Variants in NXF2B observed in about 807,000 individuals in gnomAD.
NXF2B encodes nuclear RNA export factor 2.
At chrX:102,412,531 GAA>G (rs1169070767) in intron 2 of NXF2B, among the ~76,000 whole-genome samples, 95 of 1,465 alleles carry the variant, frequency 0.065, 28 homozygotes, top group South Asian at 0.22. Flanking sequence ...AGAAGAAGAA[GAA>G]GAAGAAGAAG....
At chrX:102,398,060 A>C (rs1471763110) in intron 2 of NXF2B, among the ~76,000 whole-genome samples, 2 of 75,081 alleles carry the variant, frequency 2.7e-5, no homozygotes, top group Non-Finnish European at 4.9e-5. Context: ...AAAAAGCAAA[A>C]TCCCATCCAA....
At chrX:102,397,921 C>T (rs1332989066) in intron 2 of NXF2B, among the ~76,000 whole-genome samples, 1 of 114,687 alleles carries the variant, frequency 8.7e-6, no homozygotes, top group African/African-American at 3.2e-5. Flanking sequence ...AAAGCTTCTG[C>T]ACGGCAAAGG....
intron 2 of NXF2B, among the ~76,000 whole-genome samples, chrX:102,412,530 A>AG (rs782617393): frequency 0.022 from 26 of 1,187 alleles, 2 homozygotes; most frequent in East Asian, 0.039. Flanking sequence ...AAGAAGAAGA[A>AG]GAAGAAGAAG....
chrX:102,412,543 GA>G (rs1569471448), intron 2 of NXF2B, among the ~76,000 whole-genome samples: 101 of 3,637 alleles, frequency 0.028, 19 homozygotes, highest in Non-Finnish European at 0.038. Flanking sequence ...AGAAGAAGAA[GA>G]AGAAGAAGAA....
At chrX:102,435,561 A>G in intron 2 of NXF2B, among the ~76,000 whole-genome samples, 1 of 18,762 alleles carries the variant, frequency 5.3e-5, no homozygotes, top group Non-Finnish European at 9.6e-5. Context: ...AAAAGTTTCA[A>G]AAGTAAGGCA....
At chrX:102,435,554 A>C (rs1361417224) in intron 2 of NXF2B, among the ~76,000 whole-genome samples, 1 of 18,290 alleles carries the variant, frequency 5.5e-5, no homozygotes, top group Non-Finnish European at 9.9e-5. Context: ...CGTAGAAAAA[A>C]GTTTCAAAAG....
intron 1 of NXF2B, among the ~76,000 whole-genome samples, chrX:102,377,146 ATTTG>A (rs1934239786): frequency 1.3e-5 from 1 of 74,584 alleles, no homozygotes; most frequent in African/African-American, 5.2e-5. Context: ...GTGAGAGTGT[ATTTG>A]TGTGTGTGTG....
At chrX:102,393,547 A>AT (rs1934303461) in intron 2 of NXF2B, among the ~76,000 whole-genome samples, 2 of 5,322 alleles carry the variant, frequency 3.8e-4, no homozygotes, top group Non-Finnish European at 6.3e-4. Flanking sequence ...AACAAAACTA[A>AT]ATATATATAT....
intron 2 of NXF2B, among the ~76,000 whole-genome samples, chrX:102,397,062 C>G (rs1181235047): frequency 1.1e-5 from 1 of 94,670 alleles, no homozygotes; most frequent in Non-Finnish European, 2.2e-5. Flanking sequence ...AGTGTCTGTT[C>G]ATATCTTTCG....
At chrX:102,439,788 C>A (rs1194555210) in intron 1 of NXF2B, 82 bp downstream of exon 1, 1 of 34,815 alleles carries the variant, frequency 2.9e-5, no homozygotes, top group Non-Finnish European at 5.6e-5. Flanking sequence ...GAGCCAAACT[C>A]CGTCTCAAAA....
At chrX:102,412,644 A>AAGAAGAAGAAGAAGT (rs1342457195) in intron 2 of NXF2B, among the ~76,000 whole-genome samples, 7 of 30,098 alleles carry the variant, frequency 2.3e-4, no homozygotes, top group African/African-American at 1.2e-3. Flanking sequence ...GAAGAAGAAG[A>AAGAAGAAGAAGAAGT]AGTAGTCATC....
intron 1 of NXF2B, among the ~76,000 whole-genome samples, chrX:102,377,197 CGAGAGAGAGA>C (rs1244863265): frequency 1.4e-5 from 1 of 69,928 alleles, no homozygotes; most frequent in Non-Finnish European, 2.6e-5. Flanking sequence ...AGAGAGAGAG[CGAGAGAGAGA>C]GAGAAAGAGA....
In NXF2B at chrX:102,412,676, T is replaced by C. The variant is rs782300833; in HGVS notation, c.-54+25877A>G. Among the ~76,000 whole-genome samples, 8 of 21,777 alleles carry C rather than the reference T, an allele frequency of 3.7e-4. 1 individual carries two copies. Among genetic ancestry groups the C allele is most frequent in the African/African-American group, 1.2e-3 (6 of 4,886 alleles). The allele number at this position is 21,777 out of a possible 115,157, so 18.9% of individuals were successfully genotyped here. A position where few individuals can be genotyped will look rare whatever the true frequency, so the allele number is the denominator to read the frequency against. ...CATCATCGTCGTTGTTGTCATCATC[T>C]TCACTGGCCCCTTCCAATTATGATG... On this transcript the variant is annotated intron_variant, in intron 2 of 22. Coordinates refer to the NXF2B transcript ENST00000602195.
intron 1 of NXF2B, among the ~76,000 whole-genome samples, chrX:102,377,195 AGC>A (rs1934242159): frequency 1.4e-5 from 1 of 73,510 alleles, no homozygotes; most frequent in Non-Finnish European, 2.5e-5. Context: ...AGAGAGAGAG[AGC>A]GAGAGAGAGA....
intron 2 of NXF2B, among the ~76,000 whole-genome samples, chrX:102,397,510 T>C (rs1380475181): frequency 2.1e-5 from 1 of 47,790 alleles, no homozygotes. Flanking sequence ...GATTCCTTCC[T>C]TACACCTTAT....
Position 102,405,146 on chromosome X carries a change from C to T in NXF2B, c.-53-25057G>A, listed in dbSNP as rs868986830. 8.3e-3 allele frequency among the ~76,000 whole-genome samples: 807 copies of T among 97,274 alleles called. 43 individuals are homozygous for T. The highest frequency in any genetic ancestry group is 0.031 in the African/African-American group (778 of 25,141). The allele number at this position is 97,274 out of a possible 115,157, so 84.5% of individuals were successfully genotyped here. ...AATACAAAAAAAAAAAAAAATTAGCCGGGCGTGGTGGCGGGCACCTGTAGT... is the reference window on the plus strand; with the variant it reads ...AATACAAAAAAAAAAAAAAATTAGCTGGGCGTGGTGGCGGGCACCTGTAGT... On this transcript the variant is annotated intron_variant, in intron 2 of 22. Transcript: ENST00000602195.
At chrX:102,435,793 C>T (rs1293526231) in intron 2 of NXF2B, among the ~76,000 whole-genome samples, 53 of 88,197 alleles carry the variant, frequency 6.0e-4, no homozygotes, top group African/African-American at 1.9e-3. Context: ...GGGTTATTCG[C>T]GGGAGTAATG....
intron 1 of NXF2B, among the ~76,000 whole-genome samples, chrX:102,376,828 GC>G (rs1934234598): frequency 1.1e-5 from 1 of 91,129 alleles, no homozygotes; most frequent in South Asian, 6.6e-4. Flanking sequence ...CTCTGTGAGG[GC>G]CAGAAAAGCA....
intron 2 of NXF2B, among the ~76,000 whole-genome samples, chrX:102,397,847 C>T (rs1171484729): frequency 2.4e-4 from 27 of 114,096 alleles, no homozygotes; most frequent in Non-Finnish European, 4.3e-4. Context: ...AGAACTCGTT[C>T]CTACGAACTC....
Sources: allele counts gnomAD v4.1 joint callset (sites outside exome capture counted in the v4.1 genomes callset), GRCh38; gene constraint gnomAD v4.1.1; transcripts MANE v1.5; gene names NCBI Gene and HGNC (gene_info 2026-07-23, HGNC 2026-07-21).